Variants in CHGA observed in about 807,000 individuals in gnomAD.
CHGA encodes the protein chromogranin-A.
Under a neutral mutation model 54.4 loss-of-function variants are expected in CHGA, and 41 were observed. That is an observed-to-expected ratio of 0.75 (90% CI 0.59 to 0.98). The LOEUF (loss-of-function observed/expected upper bound fraction) is 0.98, where lower values mean the gene tolerates loss of function less well. Ranked by LOEUF, CHGA falls within the 50% of genes least tolerant of loss-of-function variation. The probability of loss-of-function intolerance (pLI) is 0.00; values close to 1 mark genes in which losing one functional copy is unlikely to be tolerated. For missense variants in CHGA, 576 were observed against 582.3 expected (o/e 0.99, Z 0.11); for synonymous variants, 249 against 232.8 (o/e 1.07, Z -0.63).
At chr14:92,928,761 G>A (rs1045548448) in intron 4 of CHGA, among the ~76,000 whole-genome samples, 6 of 152,162 alleles carry the variant, frequency 3.9e-5, no homozygotes, top group African/African-American at 9.7e-5. Context: ...TCCAATATAT[G>A]TATATATGAC....
At chr14:92,934,395 A>T (rs1349860090) in intron 7 of CHGA, among the ~76,000 whole-genome samples, 4 of 152,218 alleles carry the variant, frequency 2.6e-5, no homozygotes, top group African/African-American at 9.6e-5. Flanking sequence ...AAGGCTGCAG[A>T]AGACAGACCC....
chr14:92,932,328 T>TC lies in CHGA; in HGVS notation c.809-37dup, dbSNP rs1206382963. The TC allele has an allele frequency of 6.6e-7, 1 of 1,523,200 alleles. No homozygotes were observed. The highest frequency in any genetic ancestry group is 2.4e-5 in the East Asian group (1 of 42,116). The allele number at this position is 1,523,200 out of a possible 1,614,324, so 94.4% of individuals were successfully genotyped here. On this transcript the variant is annotated intron_variant, in intron 6 of 7. Transcript: ENST00000216492. This position sits in a 1 kb window ranked among gnomAD's most constrained non-coding sequence, Gnocchi z 5.3. The stretch of plus-strand genomic sequence containing the variant: ...GTGGCAGAGACTGGGAAAATGGTGG[T>TC]CCCCCACCCATTCTCCTGCTCTTGC...
chr14:92,928,739 G>A (rs942012033), intron 4 of CHGA, among the ~76,000 whole-genome samples: 5 of 152,150 alleles, frequency 3.3e-5, no homozygotes, highest in Admixed American at 2.0e-4. Context: ...TGTGTATCCC[G>A]TATAAGCAGT....
Position 92,932,656 on chromosome 14 carries a change from G to A in CHGA, c.1095G>A (p.Glu365=). The change falls in exon 7 of 8, where the codon GAG becomes GAA. Residue 365 remains glutamate (E), a synonymous_variant. Transcript: ENST00000216492. This position sits in a 1 kb window ranked among gnomAD's most constrained non-coding sequence, Gnocchi z 5.3. ...GGCTGGAGGGGCAGGAGGAGGAGGA[G>A]GACAACCGGGACAGTTCCATGAAGC... ...EKRLEGQEEE[E]DNRDSSMKLS... The A allele has an allele frequency of 1.9e-6, 3 of 1,601,316 alleles. No homozygotes were observed. The highest frequency in any genetic ancestry group is 1.7e-6 in the Non-Finnish European group (2 of 1,176,164).
Position 92,925,865 on chromosome 14 carries a change from T to C in CHGA, c.94-740T>C, listed in dbSNP as rs568762343. Among the ~76,000 whole-genome samples, 31 of 152,312 alleles carry C rather than the reference T, an allele frequency of 2.0e-4. No homozygotes were observed. In the South Asian group the frequency reaches 5.6e-3, roughly 28 times the overall value. On this transcript the variant is annotated intron_variant, in intron 2 of 7. Transcript: ENST00000216492. ...CTTCTCCAAGATCACACAGCTAGGATACCACATTACGGTGGGCACCATCAT... is the reference window on the plus strand; with the variant it reads ...CTTCTCCAAGATCACACAGCTAGGACACCACATTACGGTGGGCACCATCAT...
intron 2 of CHGA, among the ~76,000 whole-genome samples, chr14:92,925,203 T>C (rs1886864216): frequency 1.3e-5 from 2 of 152,218 alleles, no homozygotes; most frequent in South Asian, 2.1e-4. Flanking sequence ...TGGATGTGAA[T>C]TGCCTAGCAC....
At chr14:92,922,685 A>G (rs9658634), upstream of CHGA, among the ~76,000 whole-genome samples, 117,715 of 152,220 alleles carry the variant, frequency 0.77, 45,722 homozygotes, top group East Asian at 0.95. Context: ...ACAGGGGATC[A>G]AAGGCCCCTC....
rs1303468670 is a variant in CHGA, at chr14:92,929,595, T to C, written c.257-122T>C. Reference sequence around the variant, plus strand: ...AAGCTCACGCCCCATCAGTGTCTCATTGGGCAGGCCCTGAACATGATGTGC... The same window carrying C: ...AAGCTCACGCCCCATCAGTGTCTCACTGGGCAGGCCCTGAACATGATGTGC... On this transcript the variant is annotated intron_variant, in intron 4 of 7. Transcript: ENST00000216492. The C allele has an allele frequency of 3.7e-5, 31 of 829,240 alleles. No homozygotes were observed. The Admixed American group carries it at 5.5e-4, about 15-fold the overall frequency. 51.4% of individuals were successfully genotyped at this position (829,240 alleles called of 1,614,324 possible). A position where few individuals can be genotyped will look rare whatever the true frequency, so the allele number is the denominator to read the frequency against.
At chr14:92,929,854 G>GGGTGGCAGTGGGAAC in intron 5 of CHGA, 39 bp downstream of exon 5, 1 of 1,548,640 alleles carries the variant, frequency 6.5e-7, no homozygotes, top group Non-Finnish European at 8.9e-7. Context: ...GGGGAAGGGA[G>GGGTGGCAGTGGGAAC]GGTGGCAGTG....
Position 92,932,467 on chromosome 14 carries a change from GA to G in CHGA, c.909del (p.Glu304ArgfsTer49). ...AGGGAGAACAGGAGCACTCCCAGCAGAAAGAGGAGGAGGAGGAGATGGCAGT... is the reference window on the plus strand; with the variant it reads ...AGGGAGAACAGGAGCACTCCCAGCAGAAGAGGAGGAGGAGGAGATGGCAGT... ...GKGEQEHSQQ[K>X]EEEEEMAVVP... On this transcript the variant is annotated frameshift_variant, in exon 7 of 8. Transcript: ENST00000216492. LOFTEE classifies it high-confidence loss of function. This position sits in a 1 kb window ranked among gnomAD's most constrained non-coding sequence, Gnocchi z 5.3. The G allele has an allele frequency of 6.4e-7, 1 of 1,557,482 alleles. No individual in the cohort carries two copies. Among genetic ancestry groups the G allele is most frequent in the Non-Finnish European group, 8.7e-7 (1 of 1,150,426 alleles).
Position 92,931,641 on chromosome 14 carries a change from C to T in CHGA, c.747C>T (p.Gly249=). Residue 249 remains glycine, a synonymous_variant, in exon 6 of 8, where the codon GGC becomes GGT. Transcript: ENST00000216492. ...AGEEAVPEEE[G]PTVVLNPHPS... is the part of the protein sequence containing the mutation. ...AGGAGGCTGTCCCCGAGGAAGAAGG[C>T]CCCACTGTAGTGCTGAACCCCCACC... The T allele has an allele frequency of 1.9e-6, 3 of 1,609,966 alleles. No homozygotes were observed. The highest frequency in any genetic ancestry group is 2.5e-6 in the Non-Finnish European group (3 of 1,178,022).
At position 92,934,828 on chromosome 14, in the gene CHGA, A is replaced by G. The variant is rs1339048573; in HGVS notation, c.1318A>G (p.Ile440Val). Reference protein sequence around the residue: ...EDQELESLSAIEAELEKVAHQ... With the variant: ...EDQELESLSAVEAELEKVAHQ... ...CCAGGAGCTGGAGAGCCTGTCGGCCATTGAAGCAGAGCTGGAGAAAGTGGC... is the reference window on the plus strand; with the variant it reads ...CCAGGAGCTGGAGAGCCTGTCGGCCGTTGAAGCAGAGCTGGAGAAAGTGGC... Residue 440 changes from isoleucine (I) to valine (V), a missense_variant, in exon 8 of 8, where the codon ATT becomes GTT. Transcript: ENST00000216492. 6.3e-7 allele frequency: 1 copy of G among 1,589,000 alleles called. No individual in the cohort carries two copies. The highest frequency in any genetic ancestry group is 8.6e-7 in the Non-Finnish European group (1 of 1,168,816).
At chr14:92,931,205 G>T in intron 5 of CHGA, 45 bp from the exon 6 acceptor site, 3 of 1,545,926 alleles carry the variant, frequency 1.9e-6, no homozygotes, top group Non-Finnish European at 2.6e-6. Flanking sequence ...GGCCCCACAC[G>T]TGGCCCAGTC....
chr14:92,932,447 G>T lies in CHGA; in HGVS notation c.886G>T (p.Glu296Ter). The T allele has an allele frequency of 6.4e-7, 1 of 1,562,648 alleles. No homozygotes were observed. Among genetic ancestry groups the T allele is most frequent in the Non-Finnish European group, 8.7e-7 (1 of 1,153,298 alleles). Residue 296 changes from glutamate (E) to a stop codon, truncating the protein, a stop_gained, in exon 7 of 8, where the codon GAA becomes TAA. Transcript: ENST00000216492. LOFTEE classifies it high-confidence loss of function. This position sits in a 1 kb window ranked among gnomAD's most constrained non-coding sequence, Gnocchi z 5.3. ...GGCTCAGGACCCCGAAGGGAAGGGA[G>T]AACAGGAGCACTCCCAGCAGAAAGA... ...EEAQDPEGKGEQEHSQQKEEE... is the reference protein window; with the variant it reads ...EEAQDPEGKG
intron 2 of CHGA, among the ~76,000 whole-genome samples, chr14:92,924,849 C>T (rs1044283969): frequency 1.3e-5 from 2 of 152,196 alleles, no homozygotes; most frequent in Non-Finnish European, 1.5e-5. Context: ...AGACACACCA[C>T]GCTGGGTGTG....
intron 3 of CHGA, among the ~76,000 whole-genome samples, chr14:92,927,276 TAA>T (rs1401022042): frequency 3.3e-5 from 5 of 152,186 alleles, no homozygotes; most frequent in Non-Finnish European, 7.3e-5. Context: ...CTGTTGTATT[TAA>T]AGAGACCCCA....
chr14:92,932,494 G>T lies in CHGA; in HGVS notation c.933G>T (p.Val311=), dbSNP rs779394961. The change falls in exon 7 of 8, where the codon GTG becomes GTT. Residue 311 remains valine, a synonymous_variant. Transcript: ENST00000216492. This position sits in a 1 kb window ranked among gnomAD's most constrained non-coding sequence, Gnocchi z 5.3. The part of the protein sequence containing the change: ...QQKEEEEEMA[V]VPQGLFRGGK... ...AAGAGGAGGAGGAGGAGATGGCAGTGGTCCCGCAAGGCCTCTTCCGGGGTG... is the reference window on the plus strand; with the variant it reads ...AAGAGGAGGAGGAGGAGATGGCAGTTGTCCCGCAAGGCCTCTTCCGGGGTG... The T allele has an allele frequency of 1.3e-6, 2 of 1,554,534 alleles. No homozygotes were observed. The highest frequency in any genetic ancestry group is 1.7e-6 in the Non-Finnish European group (2 of 1,148,948).
At chr14:92,933,533 T>C (rs1887056657) in intron 7 of CHGA, among the ~76,000 whole-genome samples, 2 of 151,214 alleles carry the variant, frequency 1.3e-5, no homozygotes, top group Admixed American at 1.3e-4. Flanking sequence ...GGAGTTGGGG[T>C]CCCTGGCAGC....
Position 92,931,428 on chromosome 14 carries a change from G to T in CHGA, c.534G>T (p.Glu178Asp), listed in dbSNP as rs755398500. 64 of 1,609,408 alleles carry T rather than the reference G, an allele frequency of 4.0e-5. No individual in the cohort carries two copies. In the South Asian group the frequency reaches 4.3e-4, roughly 11 times the overall value. Residue 178 changes from glutamate to aspartate, a missense_variant, in exon 6 of 8, where the codon GAG becomes GAT. Transcript: ENST00000216492. ...CTGGGGAGGAAGAGGAGGAGGAGGA[G>T]GAGGCCACCAACACCCACCCTCCAG... ...QAPGEEEEEE[E>D]EATNTHPPAS...
Sources: gnomAD v4.1 joint callset for allele counts (sites outside exome capture counted in the v4.1 genomes callset) on GRCh38, gnomAD v4.1.1 for gene constraint, Gnocchi (gnomAD v3.1) non-coding constraint, MANE v1.5 for transcripts, NCBI Gene and HGNC (gene_info 2026-07-23, HGNC 2026-07-21) for gene names.